The following LRRC4C variants were observed in gnomAD, a reference collection of about 807,000 sequenced individuals.
LRRC4C encodes the protein leucine rich repeat containing 4C.
A neutral mutation model predicts 33.6 loss-of-function variants in LRRC4C; 5 were observed. That is an observed-to-expected ratio of 0.15 (90% confidence interval 0.08 to 0.31). The LOEUF (loss-of-function observed/expected upper bound fraction) is 0.31, where lower values mean the gene tolerates loss of function less well. LRRC4C is among the 10% of genes least tolerant of loss of function. The pLI is 1.00. For missense variants in LRRC4C, 560 were observed against 796.7 expected, an observed-to-expected ratio of 0.70 and a Z score of 3.58; for synonymous variants, 329 against 302.0, an observed-to-expected ratio of 1.09 and a Z score of -0.93.
chr11:40,681,008 A>G (rs1944657127), intron 2 of LRRC4C, among the ~76,000 whole-genome samples: 1 of 152,216 alleles, frequency 6.6e-6, no homozygotes, highest in African/African-American at 2.4e-5. Flanking sequence ...TGGACAGCAC[A>G]GGTGTAATAC....
chr11:40,499,403 TC>T (rs1455737646), intron 3 of LRRC4C, among the ~76,000 whole-genome samples: 2 of 152,144 alleles, frequency 1.3e-5, no homozygotes, highest in Non-Finnish European at 2.9e-5. Context: ...GCACACCTGG[TC>T]TCTACTCCAA....
intron 3 of LRRC4C, among the ~76,000 whole-genome samples, chr11:40,402,500 A>G (rs577000892): frequency 6.6e-6 from 1 of 152,240 alleles, no homozygotes; most frequent in South Asian, 2.1e-4. Context: ...ACCCAGTTCA[A>G]TTCTCCAGCT....
intron 1 of LRRC4C, among the ~76,000 whole-genome samples, chr11:41,125,528 CATT>C: frequency 6.6e-6 from 1 of 150,766 alleles, no homozygotes; most frequent in African/African-American, 2.4e-5. Flanking sequence ...CATATTTTTG[CATT>C]ATTATAATTA....
intron 1 of LRRC4C, among the ~76,000 whole-genome samples, chr11:41,214,412 T>A (rs183550367): frequency 7.9e-4 from 119 of 151,500 alleles, no homozygotes; most frequent in African/African-American, 2.7e-3. Flanking sequence ...AAAAAACGTA[T>A]AACAATGGCT....
chr11:41,180,419 A>G (rs985294), intron 1 of LRRC4C, among the ~76,000 whole-genome samples: 27,209 of 152,150 alleles, frequency 0.18, 2,961 homozygotes, highest in East Asian at 0.38. Flanking sequence ...TTATAAATAA[A>G]CTTGCTGTTT....
At chr11:40,898,748 A>T (rs1956079155) in intron 2 of LRRC4C, among the ~76,000 whole-genome samples, 1 of 151,324 alleles carries the variant, frequency 6.6e-6, no homozygotes, top group Non-Finnish European at 1.5e-5. Context: ...TATAAGTTTT[A>T]AAAATTCCTT....
At chr11:40,928,082 T>C (rs913158195) in intron 2 of LRRC4C, among the ~76,000 whole-genome samples, 7 of 152,042 alleles carry the variant, frequency 4.6e-5, no homozygotes, top group African/African-American at 7.2e-5. Flanking sequence ...AAAAACCCTA[T>C]AACTCAAGTA....
intron 2 of LRRC4C, among the ~76,000 whole-genome samples, chr11:40,919,877 A>T (rs1328037787): frequency 2.6e-5 from 4 of 152,182 alleles, no homozygotes; most frequent in Non-Finnish European, 5.9e-5. Flanking sequence ...AGGCATAAAA[A>T]AACAGAAAAA....
chr11:40,403,194 G>A (rs190791383), intron 3 of LRRC4C, among the ~76,000 whole-genome samples: 63 of 152,154 alleles, frequency 4.1e-4, no homozygotes, highest in African/African-American at 1.5e-3. Flanking sequence ...CATATCATAT[G>A]ATTCTATTAT....
intron 1 of LRRC4C, among the ~76,000 whole-genome samples, chr11:41,432,600 G>T (rs1955277567): frequency 6.6e-6 from 1 of 151,978 alleles, no homozygotes; most frequent in South Asian, 2.1e-4. Context: ...GAAAATAGTA[G>T]AAAAATAAAG....
At chr11:40,205,789 TATC>T (rs1373992067) in intron 5 of LRRC4C, among the ~76,000 whole-genome samples, 1 of 152,118 alleles carries the variant, frequency 6.6e-6, no homozygotes, top group African/African-American at 2.4e-5. Flanking sequence ...TCAAAGAAAA[TATC>T]ATTAAGTTAC....
At chr11:41,136,262 G>C (rs780994835) in intron 1 of LRRC4C, among the ~76,000 whole-genome samples, 2 of 152,078 alleles carry the variant, frequency 1.3e-5, no homozygotes, top group Non-Finnish European at 2.9e-5. Context: ...AATCTTACGC[G>C]TGTAGGGGGC....
At chr11:40,509,430 A>C (rs1176154570) in intron 3 of LRRC4C, among the ~76,000 whole-genome samples, 1 of 152,178 alleles carries the variant, frequency 6.6e-6, no homozygotes, top group Non-Finnish European at 1.5e-5. Context: ...TTGCAATTGA[A>C]GAAAAATGTA....
intron 3 of LRRC4C, among the ~76,000 whole-genome samples, chr11:40,610,430 G>A (rs1961092748): frequency 6.6e-6 from 1 of 151,688 alleles, no homozygotes; most frequent in African/African-American, 2.4e-5. Context: ...AGTATGAGGT[G>A]AAAGAAGGAA....
intron 1 of LRRC4C, among the ~76,000 whole-genome samples, chr11:41,192,574 T>A (rs1024638037): frequency 6.6e-6 from 1 of 151,992 alleles, no homozygotes; most frequent in African/African-American, 2.4e-5. Context: ...GAAAAGAAAA[T>A]TTGTGATGCA....
At chr11:40,699,539 C>T (rs1259788038) in intron 2 of LRRC4C, among the ~76,000 whole-genome samples, 1 of 152,086 alleles carries the variant, frequency 6.6e-6, no homozygotes, top group Non-Finnish European at 1.5e-5. Flanking sequence ...TTCCCAATGC[C>T]ATGTTGACTC....
intron 5 of LRRC4C, among the ~76,000 whole-genome samples, chr11:40,152,843 C>T (rs1367785894): frequency 6.6e-6 from 1 of 152,118 alleles, no homozygotes; most frequent in Non-Finnish European, 1.5e-5. Context: ...ACCTGATGGT[C>T]CTTCCCTATC....
chr11:41,014,817 C>A (rs2137582107), intron 1 of LRRC4C, among the ~76,000 whole-genome samples: 1 of 152,124 alleles, frequency 6.6e-6, no homozygotes, highest in South Asian at 2.1e-4. Context: ...CCAGAGAAGT[C>A]CTGGGGTAAT....
chr11:40,296,722 GA>G lies in LRRC4C; in HGVS notation c.-176+22905del, dbSNP rs879931166. 5.9e-5 allele frequency among the ~76,000 whole-genome samples: 9 copies of G among 151,776 alleles called. No individual in the cohort carries two copies. In the East Asian group the frequency reaches 7.7e-4, roughly 13 times the overall value. On this transcript the variant is annotated intron_variant, in intron 4 of 6. Coordinates refer to ENST00000528697, the MANE Select transcript of LRRC4C (RefSeq NM_001258419.2). ...TACACATGCAAACCAAATTGTTGCT[GA>G]AAAAAAACATAATTATAGATATTTA...
Sources: allele counts gnomAD v4.1 joint callset (sites outside exome capture counted in the v4.1 genomes callset), GRCh38; gene constraint gnomAD v4.1.1; transcripts MANE v1.5; gene names NCBI Gene and HGNC (gene_info 2026-07-23, HGNC 2026-07-21).